The following THSD7B variants were observed in gnomAD, a reference collection of about 807,000 sequenced individuals.
THSD7B encodes the protein thrombospondin type-1 domain-containing protein 7B.
THSD7B carries 138 observed loss-of-function variants against 213.6 expected under a neutral mutation model. The ratio of observed to expected loss-of-function variants is 0.65; its 90% CI spans 0.56 to 0.74. The LOEUF (loss-of-function observed/expected upper bound fraction) is 0.74, where lower values mean the gene tolerates loss of function less well. Among genes scored for constraint, THSD7B ranks in the 30% least tolerant of loss-of-function variants. THSD7B has a pLI of 0.00. For missense variants in THSD7B, 1,931 were observed against 1,991.5 expected (o/e 0.97, Z 0.58); for synonymous variants, 742 against 687.0 (o/e 1.08, Z -1.25).
In THSD7B at chr2:137,071,859, C is replaced by T. The variant is rs1327573650; in HGVS notation, c.950+14629C>T. Among the ~76,000 whole-genome samples, 9 of 151,978 alleles carry T rather than the reference C, an allele frequency of 5.9e-5. No homozygotes were observed. In the South Asian group the frequency reaches 1.7e-3, roughly 28 times the overall value. ...AGTTTTCCCAGCACCATTTATTAAA[C>T]AGGGAATCCTTTCCCCATTTCTTGT... On this transcript the variant is annotated intron_variant, in intron 3 of 27. Coordinates refer to ENST00000409968, the MANE Select transcript of THSD7B (RefSeq NM_001316349.2).
chr2:136,889,531 C>T lies in THSD7B; in HGVS notation c.139+7214C>T, dbSNP rs76327838. 4.5e-3 allele frequency among the ~76,000 whole-genome samples: 678 copies of T among 152,238 alleles called. 34 individuals carry two copies. In the East Asian group the frequency reaches 0.12, roughly 27 times the overall value. On this transcript the variant is annotated intron_variant, in intron 2 of 27. Coordinates refer to ENST00000409968, the MANE Select transcript of THSD7B (RefSeq NM_001316349.2). ...CAGTGCCCATACTCTTTGTAGTGTC[C>T]GCTGCTGAGCCAAGCAGTGTGCTGT...
intron 12 of THSD7B, 43 bp from the exon 13 acceptor site, chr2:137,405,570 A>G: frequency 6.5e-7 from 1 of 1,537,732 alleles, no homozygotes; most frequent in Non-Finnish European, 8.8e-7. Context: ...CAGCTGACTG[A>G]TTTAATCAAA....
chr2:136,807,581 G>A (rs1002538750), intron 1 of THSD7B, among the ~76,000 whole-genome samples: 9 of 129,018 alleles, frequency 7.0e-5, no homozygotes, highest in African/African-American at 8.7e-5. Context: ...ATCTTGGCTC[G>A]CTGCAAGCTC....
chr2:137,557,907 A>C (rs1222485400), intron 15 of THSD7B, among the ~76,000 whole-genome samples: 3 of 152,236 alleles, frequency 2.0e-5, no homozygotes, highest in Admixed American at 2.0e-4. Context: ...CAGAAATACA[A>C]ACTACCAACA....
chr2:136,895,249 G>A (rs1683935172), intron 2 of THSD7B, among the ~76,000 whole-genome samples: 1 of 152,116 alleles, frequency 6.6e-6, no homozygotes, highest in Non-Finnish European at 1.5e-5. Context: ...TTATTTTACA[G>A]TTGAAGAAAC....
chr2:137,004,122 A>G (rs1170135069), intron 2 of THSD7B, among the ~76,000 whole-genome samples: 1 of 152,196 alleles, frequency 6.6e-6, no homozygotes, highest in Non-Finnish European at 1.5e-5. Context: ...ATTAATTGAT[A>G]CTTGTCTATG....
intron 14 of THSD7B, among the ~76,000 whole-genome samples, chr2:137,431,113 G>A (rs1687177811): frequency 1.3e-5 from 2 of 152,196 alleles, no homozygotes; most frequent in African/African-American, 2.4e-5. Flanking sequence ...GCCCAAGGTG[G>A]TCAGGGAACA....
intron 1 of THSD7B, among the ~76,000 whole-genome samples, chr2:136,803,942 G>A (rs1320462627): frequency 3.9e-5 from 6 of 152,252 alleles, no homozygotes; most frequent in African/African-American, 1.2e-4. Context: ...TGGACTGGAC[G>A]AGGCCCAGTG....
intron 2 of THSD7B, among the ~76,000 whole-genome samples, chr2:136,957,344 G>C (rs1305917614): frequency 6.6e-6 from 1 of 152,092 alleles, no homozygotes; most frequent in African/African-American, 2.4e-5. Context: ...GGAGCTGACA[G>C]ATGGGAGGGA....
intron 5 of THSD7B, among the ~76,000 whole-genome samples, chr2:137,138,665 CTTGTT>C (rs1295052445): frequency 6.6e-6 from 1 of 152,118 alleles, no homozygotes; most frequent in East Asian, 1.9e-4. Flanking sequence ...TCATCTACAT[CTTGTT>C]TTGTTTCTCT....
intron 17 of THSD7B, among the ~76,000 whole-genome samples, chr2:137,592,353 T>C (rs1681882012): frequency 6.6e-6 from 1 of 151,858 alleles, no homozygotes; most frequent in Admixed American, 6.6e-5. Context: ...GTATTTTACA[T>C]AATCATATAT....
Position 137,482,795 on chromosome 2 carries a change from C to T in THSD7B, c.3138+31772C>T, listed in dbSNP as rs140506101. On this transcript the variant is annotated intron_variant, in intron 15 of 27. Transcript: ENST00000409968. ...CGTTTCTACCCTGATTGTGTTCCAG[C>T]TTCTCACCTTGTGCCAGAGCAACGA... is the stretch of plus-strand genomic sequence containing the variant. Among the ~76,000 whole-genome samples, 87 of 152,144 alleles carry T rather than the reference C, an allele frequency of 5.7e-4. 1 individual carries two copies. The East Asian group carries it at 0.015, about 26-fold the overall frequency.
intron 10 of THSD7B, among the ~76,000 whole-genome samples, chr2:137,266,064 G>T (rs1428279316): frequency 1.3e-5 from 2 of 152,100 alleles, no homozygotes; most frequent in African/African-American, 4.8e-5. Flanking sequence ...ATAGAAAGCT[G>T]GTTTGTCATT....
intron 1 of THSD7B, among the ~76,000 whole-genome samples, chr2:136,834,236 T>C (rs2104949903): frequency 6.6e-6 from 1 of 152,298 alleles, no homozygotes; most frequent in Non-Finnish European, 1.5e-5. Context: ...CTGTTGGTGG[T>C]GAAGTGTTTT....
intron 3 of THSD7B, among the ~76,000 whole-genome samples, chr2:137,092,653 T>A (rs1558917797): frequency 6.6e-6 from 1 of 152,146 alleles, no homozygotes; most frequent in South Asian, 2.1e-4. Context: ...CTTTTTTTGT[T>A]TTTTTGAGAC....
chr2:136,979,288 G>T (rs1277486667), intron 2 of THSD7B, among the ~76,000 whole-genome samples: 1 of 151,870 alleles, frequency 6.6e-6, no homozygotes, highest in Non-Finnish European at 1.5e-5. Flanking sequence ...ATCTTCTCAT[G>T]GAATACCTTA....
At chr2:137,475,267 T>A (rs1688169728) in intron 15 of THSD7B, among the ~76,000 whole-genome samples, 1 of 152,200 alleles carries the variant, frequency 6.6e-6, no homozygotes, top group Admixed American at 6.6e-5. Flanking sequence ...ATGCATAGAA[T>A]GTGTAATAAT....
rs1342142766 is a variant in THSD7B at position 137,343,705 on chromosome 2, G to A, written c.2501-61908G>A. Reference sequence around the variant, plus strand: ...AAGGAGTGCAATTACTTTCAGTTGAGAATGTCTGCACTAAAAGACATGTTT... The same window carrying A: ...AAGGAGTGCAATTACTTTCAGTTGAAAATGTCTGCACTAAAAGACATGTTT... On this transcript the variant is annotated intron_variant, in intron 12 of 27. Transcript: ENST00000409968. Among the ~76,000 whole-genome samples the A allele has an allele frequency of 4.6e-5, 7 of 151,872 alleles. No individual in the cohort carries two copies. The East Asian group carries it at 1.2e-3, about 25-fold the overall frequency.
chr2:137,657,304 C>A (rs997044263), intron 24 of THSD7B, 144 bp downstream of exon 24: 1 of 677,758 alleles, frequency 1.5e-6, no homozygotes, highest in South Asian at 2.4e-5. Context: ...TTTCATTAGA[C>A]GTTTGCATCT....
Sources: allele counts gnomAD v4.1 joint callset (sites outside exome capture counted in the v4.1 genomes callset), GRCh38; gene constraint gnomAD v4.1.1; transcripts MANE v1.5; gene names NCBI Gene and HGNC (gene_info 2026-07-23, HGNC 2026-07-21).